GSTM3: variants seen among roughly 807,000 people sequenced by gnomAD.
The protein encoded by GSTM3 is GST class-mu 3.
In GSTM3, 34 loss-of-function variants were observed where a neutral mutation model predicts 36.1. That is an observed-to-expected ratio of 0.94 (90% CI 0.72 to 1.25). GSTM3 has a LOEUF of 1.25. GSTM3 is among the 50% of genes most tolerant of loss of function. GSTM3 has a pLI of 0.00. For missense variants in GSTM3, 266 were observed against 281.6 expected, an observed-to-expected ratio of 0.94 and a Z score of 0.40; for synonymous variants, 102 against 99.5, an observed-to-expected ratio of 1.03 and a Z score of -0.15.
In GSTM3 at chr1:109,736,859, T is replaced by C. The variant is rs1211650545; in HGVS notation, c.*212A>G. The C allele has an allele frequency of 1.9e-6, 1 of 522,396 alleles. No homozygotes were observed. The highest frequency in any genetic ancestry group is 3.4e-6 in the Non-Finnish European group (1 of 290,736). 32.4% of individuals were successfully genotyped at this position (522,396 alleles called of 1,614,324 possible). ...ATGAACCTACAGCCCTTGAACTCAGTTGGGGAGTAGGGAAATGCCAGTATC... is the reference window on the plus strand; with the variant it reads ...ATGAACCTACAGCCCTTGAACTCAGCTGGGGAGTAGGGAAATGCCAGTATC... On this transcript the variant is annotated 3_prime_UTR_variant, in exon 9 of 9. Transcript: ENST00000361066.
intron 3 of GSTM3, among the ~76,000 whole-genome samples, 159 bp downstream of exon 3, chr1:109,739,674 G>C (rs1649309287): frequency 6.6e-6 from 1 of 152,254 alleles, no homozygotes; most frequent in South Asian, 2.1e-4. Flanking sequence ...ATGTTAAAAA[G>C]AGAACCCCCA....
chr1:109,740,003 C>A (rs955832883), intron 2 of GSTM3, 95 bp from the exon 3 acceptor site: 4 of 1,100,666 alleles, frequency 3.6e-6, no homozygotes. Flanking sequence ...CGAGTCCCTG[C>A]GTCCTGCCGG....
chr1:109,737,008 C>CA lies in GSTM3; in HGVS notation c.*62dup. ...GTGCTATTCATTGAAAAGAGCAAAG[C>CA]AAGAGCGCTGACCCCTTACGGACAG... On this transcript the variant is annotated 3_prime_UTR_variant, in exon 9 of 9. Coordinates refer to ENST00000361066, the MANE Select transcript of GSTM3 (RefSeq NM_000849.5). 1 of 992,508 alleles carries CA rather than the reference C, an allele frequency of 1.0e-6. No homozygotes were observed. The highest frequency in any genetic ancestry group is 1.3e-5 in the South Asian group (1 of 75,086). The allele number at this position is 992,508 out of a possible 1,614,324, so 61.5% of individuals were successfully genotyped here. A position where few individuals can be genotyped will look rare whatever the true frequency, so the allele number is the denominator to read the frequency against.
At chr1:109,738,886 C>T (rs1357041915) in intron 4 of GSTM3, among the ~76,000 whole-genome samples, 3 of 152,110 alleles carry the variant, frequency 2.0e-5, no homozygotes, top group Non-Finnish European at 4.4e-5. Context: ...TTTGGAAGGC[C>T]GAGGTGGGAG....
Position 109,738,196 on chromosome 1 carries a change from A to G in GSTM3, c.272-5T>C, listed in dbSNP as rs1254265503. The G allele has an allele frequency of 2.5e-6, 4 of 1,609,174 alleles. No individual in the cohort carries two copies. The highest frequency in any genetic ancestry group is 3.4e-6 in the Non-Finnish European group (4 of 1,175,454). Reference sequence around the variant, plus strand: ...TTTCTTCTTCAGTCTCACCACCTGTAGGCCAAATGACAACAAATCACCCTT... The same window carrying G: ...TTTCTTCTTCAGTCTCACCACCTGTGGGCCAAATGACAACAAATCACCCTT... On this transcript the variant is annotated splice_region_variant and splice_polypyrimidine_tract_variant and intron_variant, in intron 5 of 8. Coordinates refer to ENST00000361066, the MANE Select transcript of GSTM3 (RefSeq NM_000849.5).
chr1:109,738,241 CAAA>C, intron 5 of GSTM3, 41 bp downstream of exon 5: 1 of 1,601,354 alleles, frequency 6.2e-7, no homozygotes, highest in South Asian at 1.1e-5. Context: ...CACTCTCAGA[CAAA>C]CTACCAGCCT....
At position 109,739,599 on chromosome 1, in the gene GSTM3, C is replaced by A. The variant is rs959656415; in HGVS notation, c.125-106G>T. ...GGTCCCAATACCTCAAATTCCCAGG[C>A]CCCAAAAGCATAACCATTGAGCCTC... On this transcript the variant is annotated intron_variant, in intron 3 of 8. Transcript: ENST00000361066. 3.5e-6 allele frequency: 3 copies of A among 863,032 alleles called. No homozygotes were observed. In the African/African-American group the frequency reaches 5.0e-5, roughly 14 times the overall value. The allele number at this position is 863,032 out of a possible 1,614,324, so 53.5% of individuals were successfully genotyped here. A position where few individuals can be genotyped will look rare whatever the true frequency, so the allele number is the denominator to read the frequency against.
chr1:109,740,412 C>G lies in GSTM3; in HGVS notation c.-125G>C, dbSNP rs1208917703. ...CTCCGCCTCCGCCCCGTTCTCCGTCCCTTGCCTCCGCGGCTCCACAGGGCC... is the reference window on the plus strand; with the variant it reads ...CTCCGCCTCCGCCCCGTTCTCCGTCGCTTGCCTCCGCGGCTCCACAGGGCC... On this transcript the variant is annotated 5_prime_UTR_variant, in exon 2 of 9. Transcript: ENST00000361066. The G allele has an allele frequency of 1.2e-6, 1 of 805,506 alleles. No individual in the cohort carries two copies. Among genetic ancestry groups the G allele is most frequent in the Admixed American group, 2.4e-5 (1 of 40,870 alleles). The allele number at this position is 805,506 out of a possible 1,614,324, so 49.9% of individuals were successfully genotyped here. A position where few individuals can be genotyped will look rare whatever the true frequency, so the allele number is the denominator to read the frequency against.
chr1:109,740,737 C>T (rs1425601437), intron 1 of GSTM3, among the ~76,000 whole-genome samples: 2 of 152,236 alleles, frequency 1.3e-5, no homozygotes, highest in Non-Finnish European at 2.9e-5. Context: ...TCAGACCAGC[C>T]TCTGACCACA....
chr1:109,737,105 T>G lies in GSTM3; in HGVS notation c.644A>C (p.Lys215Thr). ...DQFCKMPINN[K>T]MAQWGNKPVC is the part of the protein sequence containing the mutation. ...AGGCTTGTTGCCCCACTGGGCCATC[T>G]TGTTGTTGATGGGCATCTTGCAGAA... The change falls in exon 9 of 9, where the codon AAG becomes ACG. Residue 215 changes from lysine (K) to threonine (T), a missense_variant. By Grantham distance (78) the Lys-to-Thr change is moderately conservative. Coordinates refer to ENST00000361066, the MANE Select transcript of GSTM3 (RefSeq NM_000849.5). 1 of 1,613,170 alleles carries G rather than the reference T, an allele frequency of 6.2e-7. No individual in the cohort carries two copies. Among genetic ancestry groups the G allele is most frequent in the Non-Finnish European group, 8.5e-7 (1 of 1,179,064 alleles).
intron 4 of GSTM3, 21 bp from the exon 5 acceptor site, chr1:109,738,387 C>A (rs754515155): frequency 6.6e-7 from 1 of 1,522,362 alleles, no homozygotes; most frequent in Non-Finnish European, 9.1e-7. Flanking sequence ...AAGGACAGGA[C>A]AAATGAACAA....
Position 109,736,137 on chromosome 1 carries a change from G to A in GSTM3, c.*934C>T, listed in dbSNP as rs1256575205. On this transcript the variant is annotated 3_prime_UTR_variant, in exon 9 of 9. Coordinates refer to ENST00000361066, the MANE Select transcript of GSTM3 (RefSeq NM_000849.5). Reference sequence around the variant, plus strand: ...AATATGGTTTCTCACTGTTGTAATTGATAATTCCTTACATCATAAACATCT... The same window carrying A: ...AATATGGTTTCTCACTGTTGTAATTAATAATTCCTTACATCATAAACATCT... 2 of 152,134 alleles carry A rather than the reference G, an allele frequency of 1.3e-5. No homozygotes were observed. Among genetic ancestry groups the A allele is most frequent in the Non-Finnish European group, 2.9e-5 (2 of 68,024 alleles). 9.4% of individuals were successfully genotyped at this position (152,134 alleles called of 1,614,324 possible).
chr1:109,737,521 C>T lies in GSTM3; in HGVS notation c.515G>A (p.Arg172His), dbSNP rs184721419. 110 of 1,613,210 alleles carry T rather than the reference C, an allele frequency of 6.8e-5. No individual in the cohort carries two copies. The highest frequency in any genetic ancestry group is 1.8e-4 in the Admixed American group (11 of 60,010). Residue 172 changes from arginine to histidine, a missense_variant, in exon 8 of 9, where the codon CGT becomes CAT. Physicochemically the swap from Arg to His is conservative, Grantham distance 29. Transcript: ENST00000361066. Reference protein sequence around the residue: ...FLTYDILDQNRIFDPKCLDEF... With the variant: ...FLTYDILDQNHIFDPKCLDEF... ...ATCCAGGCACTTGGGGTCAAATATA[C>T]GGTTCTGATCCAAGATATCATAGGT...
At position 109,739,758 on chromosome 1, in the gene GSTM3, C is replaced by T; in HGVS notation, c.124+75G>A. The T allele has an allele frequency of 3.4e-6, 4 of 1,184,430 alleles. 1 individual carries two copies. In the South Asian group the frequency reaches 5.3e-5, roughly 16 times the overall value. 73.4% of individuals were successfully genotyped at this position (1,184,430 alleles called of 1,614,324 possible). On this transcript the variant is annotated intron_variant, in intron 3 of 8. Coordinates refer to ENST00000361066, the MANE Select transcript of GSTM3 (RefSeq NM_000849.5). ...CCCACCCGGCCTTGGCGCGACGCCA[C>T]CACCCTCTGGGCGTAAGAAGACCAG... is the stretch of plus-strand genomic sequence containing the variant.
Position 109,740,494 on chromosome 1 carries a change from G to A in GSTM3, c.-207C>T. On this transcript the variant is annotated 5_prime_UTR_variant, in exon 2 of 9. Coordinates refer to ENST00000361066, the MANE Select transcript of GSTM3 (RefSeq NM_000849.5). ...GTTCAGGGCCTGGCGACCCCGAGGCGGGACCCGGGCAGGAGTGCTGCAGGA... is the reference window on the plus strand; with the variant it reads ...GTTCAGGGCCTGGCGACCCCGAGGCAGGACCCGGGCAGGAGTGCTGCAGGA... 1 of 591,310 alleles carries A rather than the reference G, an allele frequency of 1.7e-6. No individual in the cohort carries two copies. 36.6% of individuals were successfully genotyped at this position (591,310 alleles called of 1,614,324 possible). A position where few individuals can be genotyped will look rare whatever the true frequency, so the allele number is the denominator to read the frequency against.
chr1:109,739,733 C>A, intron 3 of GSTM3, 100 bp downstream of exon 3: 1 of 905,524 alleles, frequency 1.1e-6, no homozygotes, highest in Admixed American at 2.2e-5. Context: ...GGGCAAACGT[C>A]CCACCCGGCC....
chr1:109,735,633 G>GAGTTTTTTTTTTTTTTTT lies in GSTM3; in HGVS notation c.*1437_*1438insAAAAAAAAAAAAAAAACT, dbSNP rs747271780. 3 of 60,720 alleles carry GAGTTTTTTTTTTTTTTTT rather than the reference G, an allele frequency of 4.9e-5. 1 individual carries two copies. The highest frequency in any genetic ancestry group is 7.0e-5 in the Non-Finnish European group (2 of 28,564). 3.8% of individuals were successfully genotyped at this position (60,720 alleles called of 1,614,324 possible). ...CATCTTAGTATATGTCTCTTTGAAT[G>GAGTTTTTTTTTTTTTTTT]TTTTTTTTTTTTTTTTTTTTTTTTT... On this transcript the variant is annotated 3_prime_UTR_variant, in exon 9 of 9. Coordinates refer to ENST00000361066, the MANE Select transcript of GSTM3 (RefSeq NM_000849.5).
chr1:109,737,434 G>C, intron 8 of GSTM3, 23 bp downstream of exon 8: 1 of 1,425,810 alleles, frequency 7.0e-7, no homozygotes, highest in Non-Finnish European at 9.9e-7. Context: ...GTTTTTATAA[G>C]AGAAAGGTGC....
chr1:109,739,498 A>C lies in GSTM3; in HGVS notation c.125-5T>G. 1 of 1,610,194 alleles carries C rather than the reference A, an allele frequency of 6.2e-7. No homozygotes were observed. The highest frequency in any genetic ancestry group is 1.7e-4 in the Middle Eastern group (1 of 6,038). On this transcript the variant is annotated splice_polypyrimidine_tract_variant and splice_region_variant and intron_variant, in intron 3 of 8. Coordinates refer to ENST00000361066, the MANE Select transcript of GSTM3 (RefSeq NM_000849.5). ...GGCTTCGATCATAGTCAGGAGCTGT[A>C]AGAGACGGAATTAAGTGGGACCCAA...
Sources: allele counts gnomAD v4.1 joint callset (sites outside exome capture counted in the v4.1 genomes callset), GRCh38; gene constraint gnomAD v4.1.1; transcripts MANE v1.5; gene names NCBI Gene and HGNC (gene_info 2026-07-23, HGNC 2026-07-21).